Variants in FARS2 observed in about 807,000 individuals in gnomAD.
FARS2 encodes phenylalanine--tRNA ligase, mitochondrial.
Under a neutral mutation model 46.4 loss-of-function variants are expected in FARS2, and 40 were observed. The ratio of observed to expected loss-of-function variants is 0.86; its 90% CI spans 0.67 to 1.12. FARS2 has a LOEUF of 1.12. Among genes scored for constraint, FARS2 ranks in the 50% most tolerant of loss-of-function variants. FARS2 has a pLI of 0.00. For missense variants in FARS2, 513 were observed against 567.9 expected (o/e 0.90, Z 0.98); for synonymous variants, 234 against 214.9 (o/e 1.09, Z -0.78).
intron 1 of FARS2, among the ~76,000 whole-genome samples, chr6:5,341,233 A>ATTTTTTTTTT (rs1561970169): frequency 1.5e-4 from 1 of 6,714 alleles, no homozygotes; most frequent in African/African-American, 3.5e-4. Context: ...ATATATATAT[A>ATTTTTTTTTT]TATTTTTTTT....
chr6:5,425,940 A>T (rs1762824001), intron 3 of FARS2, among the ~76,000 whole-genome samples: 1 of 152,208 alleles, frequency 6.6e-6, no homozygotes, highest in African/African-American at 2.4e-5. Flanking sequence ...GAGAAGAGGC[A>T]GGTGGGGCTC....
intron 2 of FARS2, among the ~76,000 whole-genome samples, chr6:5,378,259 A>G (rs1406465865): frequency 6.6e-6 from 1 of 151,076 alleles, no homozygotes; most frequent in Non-Finnish European, 1.5e-5. Context: ...ACTGTCCTCA[A>G]ACCACTGTCC....
At chr6:5,505,984 T>C (rs1002297839) in intron 4 of FARS2, among the ~76,000 whole-genome samples, 3 of 152,196 alleles carry the variant, frequency 2.0e-5, no homozygotes, top group African/African-American at 7.2e-5. Flanking sequence ...AATTAAGACA[T>C]TGAAACAGGT....
At position 5,535,585 on chromosome 6, in the gene FARS2, C is replaced by T. The variant is rs190696670; in HGVS notation, c.905-9595C>T. Among the ~76,000 whole-genome samples, 14 of 152,234 alleles carry T rather than the reference C, an allele frequency of 9.2e-5. No individual in the cohort carries two copies. In the East Asian group the frequency reaches 2.1e-3, roughly 23 times the overall value. The stretch of plus-strand genomic sequence containing the variant: ...ACTGTGAGCATCTTTGTCTTGTTCC[C>T]GATCTAAGTGAAATTTATCTAAGTG... On this transcript the variant is annotated intron_variant, in intron 4 of 6. Coordinates refer to ENST00000274680, the MANE Select transcript of FARS2 (RefSeq NM_006567.5).
intron 6 of FARS2, among the ~76,000 whole-genome samples, chr6:5,707,429 G>A (rs1427822741): frequency 1.6e-4 from 25 of 152,184 alleles, no homozygotes; most frequent in Admixed American, 1.5e-3. Flanking sequence ...AAGGGGAGGC[G>A]TAGACGGTTG....
chr6:5,389,302 G>T (rs1562004607), intron 2 of FARS2, among the ~76,000 whole-genome samples: 1 of 152,084 alleles, frequency 6.6e-6, no homozygotes, highest in Non-Finnish European at 1.5e-5. Context: ...AGCTGCTACT[G>T]TTCCTCCTCC....
intron 4 of FARS2, among the ~76,000 whole-genome samples, chr6:5,537,595 T>C (rs9766913): frequency 2.1e-3 from 210 of 100,898 alleles, no homozygotes; most frequent in Middle Eastern, 7.1e-3. Flanking sequence ...TGTCCCGGGC[T>C]TCCTCTCGAG....
chr6:5,496,033 T>C (rs1267291660), intron 4 of FARS2, among the ~76,000 whole-genome samples: 5 of 152,178 alleles, frequency 3.3e-5, no homozygotes, highest in African/African-American at 1.2e-4. Flanking sequence ...GCTTTTCCCC[T>C]AGGATCCCTG....
intron 5 of FARS2, among the ~76,000 whole-genome samples, chr6:5,580,334 A>G (rs1470674686): frequency 6.6e-6 from 1 of 150,486 alleles, no homozygotes; most frequent in African/African-American, 2.4e-5. Flanking sequence ...GAAGGAAGGA[A>G]GGAAGGAAAG....
intron 1 of FARS2, among the ~76,000 whole-genome samples, chr6:5,356,528 C>T (rs1236984185): frequency 1.3e-5 from 2 of 151,946 alleles, no homozygotes; most frequent in Non-Finnish European, 2.9e-5. Context: ...TGTATAGTGT[C>T]TCTAAGTGCA....
At chr6:5,424,793 A>T (rs995103427) in intron 3 of FARS2, among the ~76,000 whole-genome samples, 1 of 152,338 alleles carries the variant, frequency 6.6e-6, no homozygotes, top group African/African-American at 2.4e-5. Flanking sequence ...AAAACAATTT[A>T]TAAAAGAATG....
At chr6:5,426,789 C>G (rs1762879290) in intron 3 of FARS2, among the ~76,000 whole-genome samples, 1 of 152,118 alleles carries the variant, frequency 6.6e-6, no homozygotes, top group African/African-American at 2.4e-5. Flanking sequence ...TCACACCCGA[C>G]TAATTTTTGT....
At chr6:5,691,910 G>A (rs764806531) in intron 6 of FARS2, among the ~76,000 whole-genome samples, 8 of 152,118 alleles carry the variant, frequency 5.3e-5, no homozygotes, top group East Asian at 1.9e-4. Flanking sequence ...CCCTAGCCTC[G>A]CTGCCACCTT....
At chr6:5,692,122 C>A (rs528688532) in intron 6 of FARS2, among the ~76,000 whole-genome samples, 2 of 152,226 alleles carry the variant, frequency 1.3e-5, no homozygotes, top group Non-Finnish European at 2.9e-5. Flanking sequence ...AATTCCCTGA[C>A]CCCTTGTGCT....
chr6:5,676,466 G>A (rs1004746711), intron 6 of FARS2, among the ~76,000 whole-genome samples: 3 of 152,178 alleles, frequency 2.0e-5, no homozygotes, highest in Non-Finnish European at 4.4e-5. Context: ...TGTGGTGTCC[G>A]AGTCTGGGAT....
At chr6:5,718,537 G>T (rs1295596838) in intron 6 of FARS2, among the ~76,000 whole-genome samples, 1 of 152,194 alleles carries the variant, frequency 6.6e-6, no homozygotes, top group East Asian at 1.9e-4. Context: ...GGTGAAACAG[G>T]CTGTAACTTA....
chr6:5,422,169 T>C (rs1015044925), intron 3 of FARS2, among the ~76,000 whole-genome samples: 1 of 152,102 alleles, frequency 6.6e-6, no homozygotes, highest in African/African-American at 2.4e-5. Context: ...AAACTCCTGT[T>C]TTTAAACCCG....
chr6:5,346,187 C>G (rs1345880933), intron 1 of FARS2, among the ~76,000 whole-genome samples: 2 of 152,194 alleles, frequency 1.3e-5, no homozygotes, highest in African/African-American at 4.8e-5. Context: ...TTCCTGAGTT[C>G]CATTTCTTTG....
intron 6 of FARS2, among the ~76,000 whole-genome samples, chr6:5,741,849 G>A (rs550471402): frequency 1.3e-5 from 2 of 152,046 alleles, no homozygotes; most frequent in East Asian, 3.9e-4. Flanking sequence ...ACAGGGTTTC[G>A]CCATGTTGGC....
Sources: allele counts gnomAD v4.1 joint callset (sites outside exome capture counted in the v4.1 genomes callset), GRCh38; gene constraint gnomAD v4.1.1; transcripts MANE v1.5; gene names NCBI Gene and HGNC (gene_info 2026-07-23, HGNC 2026-07-21).